Variants in JAK2 observed in about 807,000 individuals in gnomAD.
JAK2 encodes tyrosine-protein kinase JAK2.
Under a neutral mutation model 139.3 loss-of-function variants are expected in JAK2, and 86 were observed. That is an observed-to-expected ratio of 0.62 (90% confidence interval 0.52 to 0.74). JAK2 has a LOEUF of 0.74. JAK2 is among the 30% of genes least tolerant of loss of function. The probability of loss-of-function intolerance (pLI) is 0.00; values close to 1 mark genes in which losing one functional copy is unlikely to be tolerated. For missense variants in JAK2, 1,421 were observed against 1,360.3 expected (o/e 1.04, Z -0.70); for synonymous variants, 490 against 437.7 (o/e 1.12, Z -1.49).
At chr9:5,111,568 C>T (rs1822543937) in intron 22 of JAK2, 5 of 364,542 alleles carry the variant, frequency 1.4e-5, no homozygotes, top group Non-Finnish European at 2.7e-5. Flanking sequence ...CAGATGGCAG[C>T]CTGCACCCCT....
intron 19 of JAK2, among the ~76,000 whole-genome samples, chr9:5,089,469 C>T (rs780350424): frequency 2.4e-5 from 3 of 124,616 alleles, no homozygotes; most frequent in African/African-American, 6.3e-5. Flanking sequence ...ACCCAGGGGG[C>T]GGAGCTTGCA....
At chr9:5,114,804 A>G (rs1822992433) in intron 22 of JAK2, 2 of 287,418 alleles carry the variant, frequency 7.0e-6, no homozygotes. Context: ...AAATCCCATT[A>G]AATGTCCTCC....
intron 23 of JAK2, 91 bp from the exon 24 acceptor site, chr9:5,126,242 C>T: frequency 1.2e-6 from 1 of 819,022 alleles, no homozygotes; most frequent in South Asian, 1.7e-5. Flanking sequence ...CACACATATA[C>T]TAAATTTTTT....
intron 22 of JAK2, chr9:5,099,508 C>T (rs1821295635): frequency 6.6e-6 from 1 of 152,086 alleles, no homozygotes. Context: ...TTTATATTAT[C>T]CCTACACCAA....
At chr9:5,113,918 T>A (rs1822891686) in intron 22 of JAK2, 2 of 234,274 alleles carry the variant, frequency 8.5e-6, no homozygotes, top group South Asian at 5.4e-5. Flanking sequence ...AGTGGACACT[T>A]ACCCCCGACC....
chr9:5,015,847 T>A (rs746559269), intron 2 of JAK2, among the ~76,000 whole-genome samples: 4 of 152,196 alleles, frequency 2.6e-5, no homozygotes, highest in Non-Finnish European at 5.9e-5. Context: ...TGATTTCCAG[T>A]TACCATCCTT....
At chr9:5,012,839 T>A (rs1821788500) in intron 2 of JAK2, among the ~76,000 whole-genome samples, 2 of 152,150 alleles carry the variant, frequency 1.3e-5, no homozygotes, top group African/African-American at 4.8e-5. Context: ...AATTTTAGTC[T>A]AAACATTCGT....
chr9:5,001,376 T>G (rs1820917117), intron 2 of JAK2, among the ~76,000 whole-genome samples: 1 of 152,184 alleles, frequency 6.6e-6, no homozygotes, highest in African/African-American at 2.4e-5. Flanking sequence ...TCTAATTTAT[T>G]TCCAGAAATT....
At chr9:5,039,479 T>C (rs140136845) in intron 4 of JAK2, among the ~76,000 whole-genome samples, 1 of 152,250 alleles carries the variant, frequency 6.6e-6, no homozygotes, top group East Asian at 1.9e-4. Flanking sequence ...ATCAGGAACA[T>C]GAGTATTTGC....
intron 12 of JAK2, among the ~76,000 whole-genome samples, chr9:5,071,637 A>T (rs1460521969): frequency 1.3e-5 from 2 of 152,186 alleles, no homozygotes; most frequent in Non-Finnish European, 2.9e-5. Context: ...AAAGAAATGG[A>T]TTATATGAAA....
At chr9:5,061,601 A>G (rs959857309) in intron 8 of JAK2, among the ~76,000 whole-genome samples, 11 of 152,238 alleles carry the variant, frequency 7.2e-5, no homozygotes, top group African/African-American at 1.4e-4. Flanking sequence ...GCTCTAGATT[A>G]GGCTTTGGCT....
chr9:5,019,418 C>T (rs1822274142), intron 2 of JAK2, among the ~76,000 whole-genome samples: 1 of 152,064 alleles, frequency 6.6e-6, no homozygotes, highest in African/African-American at 2.4e-5. Context: ...GTAAATTTCT[C>T]ATTGATATCC....
At chr9:5,045,782 C>T (rs530537935) in intron 5 of JAK2, among the ~76,000 whole-genome samples, 2 of 152,252 alleles carry the variant, frequency 1.3e-5, no homozygotes, top group East Asian at 3.9e-4. Flanking sequence ...TATTCCATTG[C>T]ATATGTATAC....
intron 8 of JAK2, among the ~76,000 whole-genome samples, chr9:5,061,734 A>G (rs552327451): frequency 4.6e-5 from 7 of 152,322 alleles, no homozygotes; most frequent in Admixed American, 1.3e-4. Flanking sequence ...TCCCTCAAGG[A>G]CTTTTCCTTT....
intron 19 of JAK2, among the ~76,000 whole-genome samples, chr9:5,083,328 C>T (rs1014460559): frequency 1.3e-5 from 2 of 152,278 alleles, no homozygotes; most frequent in Non-Finnish European, 2.9e-5. Context: ...CCAGGGAATG[C>T]TCAGTTCTTA....
At chr9:5,053,902 T>A (rs1014746255) in intron 6 of JAK2, among the ~76,000 whole-genome samples, 1 of 152,008 alleles carries the variant, frequency 6.6e-6, no homozygotes, top group African/African-American at 2.4e-5. Flanking sequence ...TAGCATATAT[T>A]ACGGCATGGA....
chr9:5,112,735 C>A, intron 22 of JAK2: 1 of 725,538 alleles, frequency 1.4e-6, no homozygotes, highest in East Asian at 3.1e-5. Flanking sequence ...CCAAAACAGC[C>A]TGTTTGAAAC....
intron 22 of JAK2, chr9:5,111,030 G>C: frequency 1.2e-6 from 1 of 868,782 alleles, no homozygotes. Flanking sequence ...CCGCCTCCCT[G>C]GCCGGGGCGC....
intron 22 of JAK2, among the ~76,000 whole-genome samples, chr9:5,093,673 G>C (rs1820757792): frequency 1.3e-5 from 2 of 152,150 alleles, no homozygotes; most frequent in Non-Finnish European, 2.9e-5. Flanking sequence ...GACCACAGTA[G>C]TCTAAGCGAG....
Sources: allele counts gnomAD v4.1 joint callset (sites outside exome capture counted in the v4.1 genomes callset), GRCh38; gene constraint gnomAD v4.1.1; transcripts MANE v1.5; gene names NCBI Gene and HGNC (gene_info 2026-07-23, HGNC 2026-07-21).